Variants in MACROD2 observed in about 807,000 individuals in gnomAD.
MACROD2 encodes the protein ADP-ribose glycohydrolase MACROD2.
MACROD2 carries 36 observed loss-of-function variants against 70.4 expected under a neutral mutation model. That is an observed-to-expected ratio of 0.51 (90% confidence interval 0.39 to 0.68). The LOEUF (loss-of-function observed/expected upper bound fraction) is 0.68. Among genes scored for constraint, MACROD2 ranks in the 30% least tolerant of loss-of-function variants. The pLI is 0.00. For missense variants in MACROD2, 496 were observed against 538.4 expected, an observed-to-expected ratio of 0.92 and a Z score of 0.78; for synonymous variants, 172 against 178.8, an observed-to-expected ratio of 0.96 and a Z score of 0.30.
At chr20:15,898,548 C>CCAA (rs1601085585) in intron 10 of MACROD2, among the ~76,000 whole-genome samples, 5 of 11,918 alleles carry the variant, frequency 4.2e-4, no homozygotes, top group Non-Finnish European at 7.8e-4. Context: ...AAGACTCAGT[C>CCAA]TAAAAAAAAA....
intron 8 of MACROD2, among the ~76,000 whole-genome samples, chr20:15,709,728 C>A (rs955752649): frequency 6.6e-6 from 1 of 151,944 alleles, no homozygotes. Context: ...TTAATACATA[C>A]AATGTATTAA....
chr20:14,578,516 A>G (rs975994876), intron 4 of MACROD2, among the ~76,000 whole-genome samples: 3 of 152,162 alleles, frequency 2.0e-5, no homozygotes, highest in African/African-American at 7.2e-5. Context: ...TCAGTCAAAT[A>G]TTTACTTGCT....
intron 6 of MACROD2, among the ~76,000 whole-genome samples, chr20:15,326,156 T>C (rs1452250675): frequency 6.6e-6 from 1 of 152,128 alleles, no homozygotes; most frequent in Non-Finnish European, 1.5e-5. Context: ...ATGAGAAAAT[T>C]GTTTTGGAAA....
intron 4 of MACROD2, among the ~76,000 whole-genome samples, chr20:14,495,525 C>G (rs550672464): frequency 6.6e-6 from 1 of 152,252 alleles, no homozygotes; most frequent in African/African-American, 2.4e-5. Flanking sequence ...GAAAAAATTA[C>G]CGTTCTGTTC....
chr20:15,092,494 T>A (rs1483385942), intron 5 of MACROD2, among the ~76,000 whole-genome samples: 2 of 150,266 alleles, frequency 1.3e-5, no homozygotes, highest in Admixed American at 6.6e-5. Flanking sequence ...AAATACAAGC[T>A]GGCCTTGGAA....
intron 2 of MACROD2, among the ~76,000 whole-genome samples, chr20:14,068,614 G>A (rs960745704): frequency 5.9e-5 from 9 of 152,160 alleles, no homozygotes; most frequent in African/African-American, 1.9e-4. Flanking sequence ...CTGTTTTAAA[G>A]GATAGTTAGG....
intron 8 of MACROD2, among the ~76,000 whole-genome samples, chr20:15,815,956 AAGCTGAC>A (rs2063869570): frequency 6.6e-6 from 1 of 152,106 alleles, no homozygotes; most frequent in Non-Finnish European, 1.5e-5. Flanking sequence ...TTAATGTGTC[AAGCTGAC>A]ATTATTTAAT....
chr20:14,456,893 A>G (rs1365547240), intron 3 of MACROD2, among the ~76,000 whole-genome samples: 1 of 151,412 alleles, frequency 6.6e-6, no homozygotes, highest in Non-Finnish European at 1.5e-5. Context: ...ACTTTTTTGT[A>G]TTTTTAGTAG....
intron 5 of MACROD2, among the ~76,000 whole-genome samples, chr20:14,915,493 T>C (rs2074080488): frequency 6.6e-6 from 1 of 152,178 alleles, no homozygotes; most frequent in Admixed American, 6.5e-5. Context: ...ACACTGTGTA[T>C]CTGCTTGTTA....
At chr20:16,038,936 A>G (rs1221497178) in intron 15 of MACROD2, among the ~76,000 whole-genome samples, 1 of 151,938 alleles carries the variant, frequency 6.6e-6, no homozygotes, top group Non-Finnish European at 1.5e-5. Flanking sequence ...GAGATGGTCT[A>G]TTTCAAGTTC....
intron 8 of MACROD2, among the ~76,000 whole-genome samples, chr20:15,630,473 T>A (rs1038709610): frequency 6.6e-6 from 1 of 152,210 alleles, no homozygotes; most frequent in South Asian, 2.1e-4. Context: ...TTTGTGACCC[T>A]CTCATCTCTC....
intron 7 of MACROD2, among the ~76,000 whole-genome samples, chr20:15,475,044 T>TA (rs2047005040): frequency 6.6e-6 from 1 of 152,120 alleles, no homozygotes; most frequent in South Asian, 2.1e-4. Context: ...ATACAGCAAT[T>TA]AAAAAATAGT....
chr20:14,213,840 T>A (rs1380479714), intron 3 of MACROD2, among the ~76,000 whole-genome samples: 5 of 152,136 alleles, frequency 3.3e-5, no homozygotes, highest in Admixed American at 3.3e-4. Flanking sequence ...TTTTTTACTA[T>A]CATTCTTCTC....
intron 3 of MACROD2, among the ~76,000 whole-genome samples, chr20:14,141,855 T>C (rs2148706035): frequency 6.6e-6 from 1 of 152,264 alleles, no homozygotes; most frequent in South Asian, 2.1e-4. Context: ...TTTATTATTC[T>C]TTTTCAGCTT....
At chr20:15,149,186 G>T (rs2076251396) in intron 5 of MACROD2, among the ~76,000 whole-genome samples, 1 of 152,008 alleles carries the variant, frequency 6.6e-6, no homozygotes, top group South Asian at 2.1e-4. Flanking sequence ...GAGGGGGCCT[G>T]AATAATCCCT....
chr20:14,463,068 G>A (rs969564970), intron 3 of MACROD2, among the ~76,000 whole-genome samples: 1 of 152,038 alleles, frequency 6.6e-6, no homozygotes, highest in African/African-American at 2.4e-5. Flanking sequence ...CCAATTCTGT[G>A]AAGAAAGTCA....
chr20:14,332,857 G>A (rs2082869702), intron 3 of MACROD2, among the ~76,000 whole-genome samples: 1 of 151,992 alleles, frequency 6.6e-6, no homozygotes, highest in Non-Finnish European at 1.5e-5. Flanking sequence ...TATTTATGAA[G>A]GCTTAAATTG....
At chr20:14,759,965 G>A (rs1389653584) in intron 5 of MACROD2, among the ~76,000 whole-genome samples, 2 of 152,134 alleles carry the variant, frequency 1.3e-5, no homozygotes, top group South Asian at 2.1e-4. Flanking sequence ...GACAGAGTAA[G>A]TGAATTGGTA....
intron 4 of MACROD2, among the ~76,000 whole-genome samples, chr20:14,673,792 C>T (rs113753783): frequency 0.03 from 4,529 of 151,492 alleles, 97 homozygotes; most frequent in Non-Finnish European, 0.044. Context: ...TGGTGGTGGG[C>T]GCCTGTAATC....
Sources: gnomAD v4.1 joint callset for allele counts (sites outside exome capture counted in the v4.1 genomes callset) on GRCh38, gnomAD v4.1.1 for gene constraint, MANE v1.5 for transcripts, NCBI Gene and HGNC (gene_info 2026-07-23, HGNC 2026-07-21) for gene names.